Variants in TYW1 observed in about 807,000 individuals in gnomAD.
TYW1 encodes the protein tRNA-yW synthesizing protein 1 homolog, also known as S-adenosyl-L-methionine-dependent tRNA 4-demethylwyosine synthase TYW1.
TYW1 carries 46 observed loss-of-function variants against 96.2 expected under a neutral mutation model. The ratio of observed to expected loss-of-function variants is 0.48; its 90% CI spans 0.38 to 0.61. The LOEUF (loss-of-function observed/expected upper bound fraction) is 0.61. Among genes scored for constraint, TYW1 ranks in the 20% least tolerant of loss-of-function variants. The pLI is 0.00. For missense variants in TYW1, 684 were observed against 909.6 expected, an observed-to-expected ratio of 0.75 and a Z score of 3.19; for synonymous variants, 274 against 323.0, an observed-to-expected ratio of 0.85 and a Z score of 1.63.
At chr7:67,220,363 C>T (rs1235929227) in intron 15 of TYW1, among the ~76,000 whole-genome samples, 1 of 151,920 alleles carries the variant, frequency 6.6e-6, no homozygotes, top group Admixed American at 6.6e-5. Flanking sequence ...GCCACCATGC[C>T]TGGCTAATTT....
intron 13 of TYW1, among the ~76,000 whole-genome samples, chr7:67,148,450 TG>T (rs1798679008): frequency 8.0e-6 from 1 of 124,562 alleles, no homozygotes; most frequent in Admixed American, 8.8e-5. Context: ...TTTTTTGAGA[TG>T]GAGTCTTGCT....
At position 67,237,109 on chromosome 7, in the gene TYW1, C is replaced by T. The variant is rs143985754; in HGVS notation, c.1978-1199C>T. On this transcript the variant is annotated intron_variant, in intron 15 of 15. Coordinates refer to ENST00000359626, the MANE Select transcript of TYW1 (RefSeq NM_018264.4). ...CCATGTTGGCCAAGCTAGTCTTGAA[C>T]GCCTGACCTCAGGCGATCCACCTGC... Among the ~76,000 whole-genome samples the T allele has an allele frequency of 8.0e-3, 1,221 of 152,274 alleles. 16 individuals are homozygous for T. Among genetic ancestry groups the T allele is most frequent in the African/African-American group, 0.027 (1,131 of 41,552 alleles).
intron 13 of TYW1, among the ~76,000 whole-genome samples, chr7:67,153,530 T>A (rs1198608627): frequency 1.3e-5 from 2 of 152,226 alleles, no homozygotes; most frequent in Non-Finnish European, 2.9e-5. Flanking sequence ...AGCCATATTG[T>A]TTTAATGTAT....
At chr7:67,015,201 A>C (rs1428821861) in intron 5 of TYW1, among the ~76,000 whole-genome samples, 2 of 151,916 alleles carry the variant, frequency 1.3e-5, no homozygotes, top group Non-Finnish European at 2.9e-5. Flanking sequence ...ACAGGGTTTC[A>C]CCATGTTGGC....
At chr7:67,130,813 C>G (rs1192888931) in intron 13 of TYW1, among the ~76,000 whole-genome samples, 1 of 152,216 alleles carries the variant, frequency 6.6e-6, no homozygotes, top group Non-Finnish European at 1.5e-5. Context: ...CTTCCCTCCC[C>G]TCCCACAGTC....
At chr7:67,027,494 T>TAA (rs1794489490) in intron 7 of TYW1, among the ~76,000 whole-genome samples, 1 of 152,034 alleles carries the variant, frequency 6.6e-6, no homozygotes, top group Non-Finnish European at 1.5e-5. Context: ...CTAGAAGCAA[T>TAA]AAAAAAATAT....
intron 15 of TYW1, among the ~76,000 whole-genome samples, chr7:67,234,348 T>TAAAAAAAA (rs57100190): frequency 0.016 from 1,460 of 91,586 alleles, 11 homozygotes; most frequent in African/African-American, 0.045. Flanking sequence ...ACCTATCTCT[T>TAAAAAAAA]AAAAAAAAAA....
At chr7:67,022,104 G>A (rs1794299281) in intron 6 of TYW1, among the ~76,000 whole-genome samples, 1 of 151,630 alleles carries the variant, frequency 6.6e-6, no homozygotes, top group African/African-American at 2.4e-5. Context: ...GTAGAGATGA[G>A]GTCCCACTGT....
At chr7:67,169,131 C>CT (rs1471184971) in intron 13 of TYW1, among the ~76,000 whole-genome samples, 1 of 152,060 alleles carries the variant, frequency 6.6e-6, no homozygotes, top group Non-Finnish European at 1.5e-5. Flanking sequence ...CTTTTATTTC[C>CT]TTTTTTCTTA....
At chr7:67,206,976 C>T (rs76352193) in intron 15 of TYW1, among the ~76,000 whole-genome samples, 1,819 of 152,326 alleles carry the variant, frequency 0.012, 16 homozygotes, top group Middle Eastern at 0.027. Flanking sequence ...GGCTTTTAAA[C>T]GGTACTGCCA....
chr7:67,030,968 A>AGGTG (rs746360000), intron 7 of TYW1, among the ~76,000 whole-genome samples: 77 of 151,862 alleles, frequency 5.1e-4, no homozygotes, highest in Admixed American at 1.2e-3. Context: ...TGGGAGACCG[A>AGGTG]GGTGGGTGGA....
At chr7:67,160,097 T>C (rs10243013) in intron 13 of TYW1, among the ~76,000 whole-genome samples, 37,478 of 151,912 alleles carry the variant, frequency 0.25, 4,724 homozygotes, top group South Asian at 0.3. Context: ...CCACCACGCC[T>C]GGCCCCAAAA....
intron 7 of TYW1, among the ~76,000 whole-genome samples, chr7:67,032,240 C>T (rs185833559): frequency 4.1e-4 from 63 of 152,196 alleles, no homozygotes; most frequent in Admixed American, 1.6e-3. Context: ...GACAGGGTCT[C>T]ACTCTGTCAC....
intron 13 of TYW1, among the ~76,000 whole-genome samples, chr7:67,159,738 AT>A (rs1196611337): frequency 3.9e-5 from 6 of 152,004 alleles, no homozygotes; most frequent in Admixed American, 2.6e-4. Context: ...GTAATAGTTA[AT>A]TTTTTTCATT....
chr7:67,132,792 T>A (rs1305381602), intron 13 of TYW1, among the ~76,000 whole-genome samples: 1 of 152,212 alleles, frequency 6.6e-6, no homozygotes, highest in Non-Finnish European at 1.5e-5. Context: ...TATTGTTATA[T>A]TTAGCTTTTG....
chr7:67,169,226 A>G (rs1349852552), intron 13 of TYW1, among the ~76,000 whole-genome samples: 1 of 152,160 alleles, frequency 6.6e-6, no homozygotes, highest in Non-Finnish European at 1.5e-5. Context: ...TTAAGAAATA[A>G]TTTACTTTGC....
chr7:67,231,329 C>CT (rs1329922485), intron 15 of TYW1, among the ~76,000 whole-genome samples: 1 of 152,092 alleles, frequency 6.6e-6, no homozygotes, highest in Non-Finnish European at 1.5e-5. Context: ...ACCCACCTAC[C>CT]TTGGACAGTT....
At chr7:67,190,930 A>G (rs1373330373) in intron 14 of TYW1, among the ~76,000 whole-genome samples, 1 of 152,162 alleles carries the variant, frequency 6.6e-6, no homozygotes, top group Non-Finnish European at 1.5e-5. Flanking sequence ...CATGAATCCC[A>G]AGGCAAACTC....
chr7:67,198,184 A>C (rs961663555), intron 15 of TYW1, among the ~76,000 whole-genome samples: 1 of 152,062 alleles, frequency 6.6e-6, no homozygotes, highest in Non-Finnish European at 1.5e-5. Context: ...ATCAGCTTGT[A>C]ATGTCCTTTA....
Sources: gnomAD v4.1 joint callset for allele counts (sites outside exome capture counted in the v4.1 genomes callset) on GRCh38, gnomAD v4.1.1 for gene constraint, MANE v1.5 for transcripts, NCBI Gene and HGNC (gene_info 2026-07-23, HGNC 2026-07-21) for gene names.